The following TMEM242 variants were observed in gnomAD, a reference collection of about 807,000 sequenced individuals.
TMEM242 encodes the protein UPF0463 transmembrane protein C6orf35.
A neutral mutation model predicts 18.2 loss-of-function variants in TMEM242; 10 were observed. The observed-to-expected ratio is 0.55, with a 90% CI of 0.34 to 0.93. TMEM242 has a LOEUF of 0.93. Among genes scored for constraint, TMEM242 ranks in the 40% least tolerant of loss-of-function variants. The pLI is 0.02. For synonymous variants in TMEM242, 57 were observed against 69.9 expected (o/e 0.81, Z 0.92); for missense variants, 186 against 175.5 (o/e 1.06, Z -0.34).
At chr6:157,307,691 C>A (rs1469877172) in intron 3 of TMEM242, among the ~76,000 whole-genome samples, 1 of 152,122 alleles carries the variant, frequency 6.6e-6, no homozygotes, top group Non-Finnish European at 1.5e-5. Flanking sequence ...TGAACCTATT[C>A]ACTGATGTGC....
intron 3 of TMEM242, among the ~76,000 whole-genome samples, chr6:157,306,609 T>C (rs1377406602): frequency 6.6e-6 from 1 of 151,958 alleles, no homozygotes; most frequent in Non-Finnish European, 1.5e-5. Context: ...AGCCTAGAGC[T>C]CAGGGTGTAA....
chr6:157,318,354 T>C (rs587699612), intron 3 of TMEM242: 129 of 171,286 alleles, frequency 7.5e-4, no homozygotes, highest in African/African-American at 2.8e-3. Context: ...CTCAGCCTTC[T>C]GAGTAGCTAG....
At chr6:157,303,825 T>C (rs146354916) in intron 3 of TMEM242, among the ~76,000 whole-genome samples, 2,377 of 50,498 alleles carry the variant, frequency 0.047, 70 homozygotes, top group African/African-American at 0.15. Context: ...GTAATTCTCA[T>C]GGTGGCGGGG....
intron 3 of TMEM242, among the ~76,000 whole-genome samples, chr6:157,300,294 C>A (rs1777812350): frequency 6.6e-6 from 1 of 152,262 alleles, no homozygotes; most frequent in Admixed American, 6.5e-5. Context: ...GCGCCTTCAA[C>A]ATGTACTTTC....
intron 3 of TMEM242, among the ~76,000 whole-genome samples, chr6:157,310,312 A>G (rs1228871069): frequency 6.6e-6 from 1 of 151,862 alleles, no homozygotes; most frequent in Admixed American, 6.6e-5. Context: ...ATTTACCTCA[A>G]CTGTTCTCCA....
At chr6:157,300,088 T>TCTCCGAGCTCA in intron 3 of TMEM242, 1 of 690,822 alleles carries the variant, frequency 1.4e-6, no homozygotes, top group South Asian at 1.7e-5. Flanking sequence ...CCGAGCTCAC[T>TCTCCGAGCTCA]CTCCGGCTGG....
chr6:157,312,536 A>C (rs372842264), intron 3 of TMEM242, among the ~76,000 whole-genome samples: 2 of 4,974 alleles, frequency 4.0e-4, no homozygotes, highest in African/African-American at 6.6e-4. Context: ...CCCAGTGTGC[A>C]CTCAGCTAGC....
chr6:157,289,105 A>T lies in TMEM242; in HGVS notation c.*3796T>A, dbSNP rs587703730. Among the ~76,000 whole-genome samples the T allele has an allele frequency of 2.4e-4, 36 of 152,048 alleles. 1 individual carries two copies. In the South Asian group the frequency reaches 4.4e-3, roughly 18 times the overall value. On this transcript the variant is annotated 3_prime_UTR_variant, in exon 4 of 4. Coordinates refer to ENST00000400788, the MANE Select transcript of TMEM242 (RefSeq NM_018452.6). ...ATGCCTCATCAAACAGTAATGAAAC[A>T]AAGGCCTCGAGCCAGCTTCTCTAAG...
chr6:157,300,011 A>G, intron 3 of TMEM242: 5 of 1,214,756 alleles, frequency 4.1e-6, no homozygotes, highest in East Asian at 2.3e-5. Context: ...GGGGGTGAAG[A>G]GCCAGGCGCC....
At chr6:157,314,083 A>T (rs377632921) in intron 3 of TMEM242, among the ~76,000 whole-genome samples, 2,821 of 18,364 alleles carry the variant, frequency 0.15, no homozygotes, top group East Asian at 0.27. Context: ...CTCATCATAG[A>T]GCCCCAGTGT....
intron 2 of TMEM242, 23 bp downstream of exon 2, chr6:157,322,682 G>A: frequency 6.3e-7 from 1 of 1,588,128 alleles, no homozygotes. Flanking sequence ...ACAATGCTAT[G>A]AATGGATTTC....
At chr6:157,299,255 G>A in intron 3 of TMEM242, 3 of 742,314 alleles carry the variant, frequency 4.0e-6, no homozygotes, top group South Asian at 2.7e-5. Flanking sequence ...CTACAGATAG[G>A]CCAATGGCCC....
At chr6:157,313,283 C>A (rs200589345) in intron 3 of TMEM242, among the ~76,000 whole-genome samples, 3 of 85,698 alleles carry the variant, frequency 3.5e-5, no homozygotes, top group Non-Finnish European at 4.8e-5. Context: ...TCCCAGTGTG[C>A]GCTCATCCGG....
intron 2 of TMEM242, among the ~76,000 whole-genome samples, chr6:157,321,011 T>TC: frequency 7.0e-6 from 1 of 142,922 alleles, no homozygotes; most frequent in Non-Finnish European, 1.5e-5. Flanking sequence ...TTTTTTTTTT[T>TC]CTTTTTTTTT....
intron 3 of TMEM242, among the ~76,000 whole-genome samples, chr6:157,306,787 T>G (rs1367322809): frequency 1.3e-5 from 2 of 151,972 alleles, no homozygotes; most frequent in South Asian, 4.1e-4. Context: ...ATAAAAAGAA[T>G]AAAGGAAGAA....
At position 157,297,285 on chromosome 6, in the gene TMEM242, C is replaced by T. The variant is rs587756319; in HGVS notation, c.328-4286G>A. 7.9e-5 allele frequency among the ~76,000 whole-genome samples: 12 copies of T among 152,288 alleles called. 1 individual carries two copies. Among genetic ancestry groups the T allele is most frequent in the African/African-American group, 2.6e-4 (11 of 41,562 alleles). On this transcript the variant is annotated intron_variant, in intron 3 of 3. Coordinates refer to ENST00000400788, the MANE Select transcript of TMEM242 (RefSeq NM_018452.6). ...ATCCTGCTTGAATATGCACAGGGGA[C>T]ACTGCTGCACATTTACCATGCATGT...
chr6:157,320,581 G>C (rs963344838), intron 2 of TMEM242, among the ~76,000 whole-genome samples: 2 of 151,844 alleles, frequency 1.3e-5, no homozygotes, highest in Admixed American at 1.3e-4. Context: ...AGCAATTCTT[G>C]TGCCTCAGCC....
chr6:157,300,824 T>G (rs1777820411), intron 3 of TMEM242, among the ~76,000 whole-genome samples: 1 of 152,174 alleles, frequency 6.6e-6, no homozygotes, highest in Non-Finnish European at 1.5e-5. Context: ...AAACGACTTC[T>G]CAGGTAGAAA....
Position 157,323,486 on chromosome 6 carries a change from C to A in TMEM242, c.14G>T (p.Gly5Val). 6.2e-7 allele frequency: 1 copy of A among 1,613,900 alleles called. No homozygotes were observed. The highest frequency in any genetic ancestry group is 8.5e-7 in the Non-Finnish European group (1 of 1,179,912). ...AGAGGCCGGCTGCCCAGTTGCAGCG[C>A]CCGCTGTCTCCATGTTTAGGTCGCC... META[G>V]AATGQPASGL... The change falls in exon 1 of 4, where the codon GGC becomes GTC. Residue 5 changes from glycine to valine, a missense_variant. Gly to Val is a moderately radical substitution (Grantham distance 109). Coordinates refer to ENST00000400788, the MANE Select transcript of TMEM242 (RefSeq NM_018452.6).
Sources: gnomAD v4.1 joint callset for allele counts (sites outside exome capture counted in the v4.1 genomes callset) on GRCh38, gnomAD v4.1.1 for gene constraint, MANE v1.5 for transcripts, NCBI Gene and HGNC (gene_info 2026-07-23, HGNC 2026-07-21) for gene names.